Variants in HS6ST1 observed in about 807,000 individuals in gnomAD.
HS6ST1 encodes heparan sulfate 6-O-sulfotransferase 1, also known as heparan-sulfate 6-O-sulfotransferase 1.
HS6ST1 carries 3 observed loss-of-function variants against 25.2 expected under a neutral mutation model. The ratio of observed to expected loss-of-function variants is 0.12; its 90% CI spans 0.05 to 0.31. The LOEUF (loss-of-function observed/expected upper bound fraction) is 0.31. HS6ST1 is among the 10% of genes least tolerant of loss of function. The pLI is 1.00. For missense variants in HS6ST1, 310 were observed against 609.6 expected, an observed-to-expected ratio of 0.51 and a Z score of 5.18; for synonymous variants, 204 against 275.1, an observed-to-expected ratio of 0.74 and a Z score of 2.56.
intron 1 of HS6ST1, among the ~76,000 whole-genome samples, chr2:128,284,357 C>T (rs1352841534): frequency 6.6e-6 from 1 of 152,162 alleles, no homozygotes; most frequent in African/African-American, 2.4e-5. Context: ...CACCTGTCCC[C>T]AGTCACACAA....
chr2:128,288,125 TC>T (rs1428435830), intron 1 of HS6ST1, among the ~76,000 whole-genome samples: 2 of 152,190 alleles, frequency 1.3e-5, no homozygotes, highest in East Asian at 3.9e-4. Flanking sequence ...CATGGCCTCC[TC>T]TTGTCCTGGC....
intron 1 of HS6ST1, among the ~76,000 whole-genome samples, chr2:128,309,588 A>T (rs184566764): frequency 1.6e-3 from 244 of 152,338 alleles, no homozygotes; most frequent in African/African-American, 5.2e-3. Flanking sequence ...AGCTTCGTAA[A>T]CAATTAACTC....
intron 1 of HS6ST1, among the ~76,000 whole-genome samples, chr2:128,309,121 C>T (rs1323292971): frequency 1.3e-5 from 2 of 152,218 alleles, no homozygotes; most frequent in Non-Finnish European, 2.9e-5. Flanking sequence ...TCTGCTGACA[C>T]CCCTGGTATG....
At chr2:128,272,139 C>T (rs1693617286) in intron 1 of HS6ST1, among the ~76,000 whole-genome samples, 1 of 152,224 alleles carries the variant, frequency 6.6e-6, no homozygotes. Context: ...CCTCCTCACC[C>T]CTGCAAAGCT....
chr2:128,271,048 C>G (rs74756633), intron 1 of HS6ST1, among the ~76,000 whole-genome samples: 1,715 of 152,342 alleles, frequency 0.011, 32 homozygotes, highest in African/African-American at 0.036. Context: ...AGGCATGCCT[C>G]CATCATGAGC....
intron 1 of HS6ST1, among the ~76,000 whole-genome samples, chr2:128,312,477 C>T (rs1014842812): frequency 3.3e-5 from 5 of 152,340 alleles, no homozygotes; most frequent in African/African-American, 9.6e-5. Context: ...TGGCTTGTCA[C>T]GCCTGTTCCT....
At chr2:128,272,919 G>A (rs1434511729) in intron 1 of HS6ST1, among the ~76,000 whole-genome samples, 1 of 152,126 alleles carries the variant, frequency 6.6e-6, no homozygotes, top group African/African-American at 2.4e-5. Flanking sequence ...CTGTGCACAG[G>A]AGGTCTAGCA....
chr2:128,304,200 CCT>C (rs1451014349), intron 1 of HS6ST1, among the ~76,000 whole-genome samples: 1 of 152,340 alleles, frequency 6.6e-6, no homozygotes, highest in African/African-American at 2.4e-5. Context: ...CCCAATAAAT[CCT>C]CTTTCACCTG....
chr2:128,307,497 T>C (rs1460585547), intron 1 of HS6ST1, among the ~76,000 whole-genome samples: 1 of 152,054 alleles, frequency 6.6e-6, no homozygotes, highest in South Asian at 2.1e-4. Flanking sequence ...GGAGAAATGA[T>C]GAACAGGAGG....
intron 1 of HS6ST1, among the ~76,000 whole-genome samples, chr2:128,275,817 T>A (rs1293683392): frequency 6.6e-6 from 1 of 152,214 alleles, no homozygotes; most frequent in Non-Finnish European, 1.5e-5. Context: ...CCCCAAGATG[T>A]GGTCAGTCCT....
intron 1 of HS6ST1, among the ~76,000 whole-genome samples, chr2:128,282,754 C>A (rs1035793099): frequency 3.9e-5 from 6 of 152,240 alleles, no homozygotes; most frequent in African/African-American, 1.4e-4. Flanking sequence ...GACGCTTGTG[C>A]CTGCCAGGAT....
At chr2:128,304,365 C>T (rs373566300) in intron 1 of HS6ST1, among the ~76,000 whole-genome samples, 132 of 152,320 alleles carry the variant, frequency 8.7e-4, no homozygotes, top group African/African-American at 3.2e-3. Flanking sequence ...TGGGTGCTCC[C>T]CAGGGACAGA....
Position 128,318,054 on chromosome 2 carries a change from G to A in HS6ST1, c.510C>T (p.Ala170=), listed in dbSNP as rs1694400767. The change falls in exon 1 of 2, where the codon GCC becomes GCT. Residue 170 remains alanine, a synonymous_variant. Transcript: ENST00000259241. This position sits in a 1 kb window ranked among gnomAD's most constrained non-coding sequence, Gnocchi z 5.7. The part of the protein sequence containing the change: ...VPGVLDRRDS[A]ALRTPRKFYY... ...GCGCTCACCTGGGCGTGCGCAGCGC[G>A]GCGGAGTCGCGGCGGTCCAGCACGC... 1 of 1,522,030 alleles carries A rather than the reference G, an allele frequency of 6.6e-7. No homozygotes were observed. The highest frequency in any genetic ancestry group is 8.8e-7 in the Non-Finnish European group (1 of 1,140,250). 94.3% of individuals were successfully genotyped at this position (1,522,030 alleles called of 1,614,324 possible).
chr2:128,273,129 T>C (rs1035104073), intron 1 of HS6ST1, among the ~76,000 whole-genome samples: 5 of 152,154 alleles, frequency 3.3e-5, no homozygotes, highest in Admixed American at 2.0e-4. Flanking sequence ...TTCAAAGATA[T>C]TAGCAGTGCT....
At chr2:128,317,224 C>G (rs1447131169) in intron 1 of HS6ST1, among the ~76,000 whole-genome samples, 1 of 152,248 alleles carries the variant, frequency 6.6e-6, no homozygotes, top group Non-Finnish European at 1.5e-5. Flanking sequence ...CTCCCATGCT[C>G]TGTGTCCTCA....
intron 1 of HS6ST1, among the ~76,000 whole-genome samples, chr2:128,281,782 G>A (rs1266756640): frequency 1.3e-5 from 2 of 152,256 alleles, no homozygotes; most frequent in African/African-American, 4.8e-5. Context: ...GGCGGGGCCA[G>A]GAGGGCCTGG....
intron 1 of HS6ST1, among the ~76,000 whole-genome samples, chr2:128,286,163 G>A (rs1693857161): frequency 1.3e-5 from 2 of 152,234 alleles, no homozygotes; most frequent in Admixed American, 6.5e-5. Flanking sequence ...CAGGACTGGC[G>A]TGGGGGACCC....
intron 1 of HS6ST1, among the ~76,000 whole-genome samples, chr2:128,274,138 C>A (rs1693655794): frequency 1.3e-5 from 2 of 152,098 alleles, no homozygotes; most frequent in Admixed American, 6.5e-5. Context: ...GCTCCAAGTG[C>A]CTGCCAGCAA....
chr2:128,277,592 C>T (rs1053492827), intron 1 of HS6ST1, among the ~76,000 whole-genome samples: 1 of 152,220 alleles, frequency 6.6e-6, no homozygotes, highest in African/African-American at 2.4e-5. Context: ...CGGGAGGGGT[C>T]AGCCCCTGAG....
Sources: allele counts gnomAD v4.1 joint callset (sites outside exome capture counted in the v4.1 genomes callset), GRCh38; gene constraint gnomAD v4.1.1; non-coding constraint Gnocchi (gnomAD v3.1); transcripts MANE v1.5; gene names NCBI Gene and HGNC (gene_info 2026-07-23, HGNC 2026-07-21).